FANCA: variants seen among roughly 807,000 people sequenced by gnomAD.
FANCA encodes FA complementation group A.
Under a neutral mutation model 194.3 loss-of-function variants are expected in FANCA, and 236 were observed. The observed-to-expected ratio is 1.21, with a 90% CI of 1.09 to 1.35. The LOEUF (loss-of-function observed/expected upper bound fraction) is 1.35. Among genes scored for constraint, FANCA ranks in the 40% most tolerant of loss-of-function variants. The pLI is 0.00. For synonymous variants in FANCA, 1,014 were observed against 715.8 expected, an observed-to-expected ratio of 1.42 and a Z score of -6.65; for missense variants, 2,628 against 1,813.9, an observed-to-expected ratio of 1.45 and a Z score of -8.15.
At chr16:89,788,337 T>C (rs148524655) in intron 14 of FANCA, among the ~76,000 whole-genome samples, 4,642 of 152,186 alleles carry the variant, frequency 0.031, 226 homozygotes, top group African/African-American at 0.11. Flanking sequence ...GGCAGGCACC[T>C]GTAGTCCCAG....
chr16:89,745,191 G>A (rs1006199363), intron 35 of FANCA, 120 bp from the exon 36 acceptor site: 17 of 918,334 alleles, frequency 1.9e-5, no homozygotes, highest in African/African-American at 6.5e-5. Context: ...CTCGCCCTGC[G>A]CTCTGGAACT....
At chr16:89,796,162 C>T (rs1055629337) in intron 10 of FANCA, 144 bp from the exon 11 acceptor site, 2 of 707,124 alleles carry the variant, frequency 2.8e-6, no homozygotes, top group African/African-American at 1.7e-5. Context: ...TAACCACAGA[C>T]TTGAAACTGA....
chr16:89,814,418 TCG>T, intron 3 of FANCA, 100 bp downstream of exon 3: 1 of 871,782 alleles, frequency 1.1e-6, no homozygotes, highest in Admixed American at 2.3e-5. Flanking sequence ...TGGAAACCCA[TCG>T]CCTGAGAAAA....
Position 89,738,376 on chromosome 16 carries a change from G to T in FANCA, c.*225C>A. 1.4e-6 allele frequency: 2 copies of T among 1,425,938 alleles called. No homozygotes were observed. The allele number at this position is 1,425,938 out of a possible 1,614,324, so 88.3% of individuals were successfully genotyped here. A position where few individuals can be genotyped will look rare whatever the true frequency, so the allele number is the denominator to read the frequency against. ...CGCCCTTGGTGCTGGAGGCGGGCTT[G>T]GTGTCCGGCTCAAGTAGCCTTCCTC... is the stretch of plus-strand genomic sequence containing the variant. On this transcript the variant is annotated 3_prime_UTR_variant, in exon 43 of 43. Transcript: ENST00000389301.
intron 10 of FANCA, chr16:89,798,759 G>C: frequency 7.2e-7 from 1 of 1,380,496 alleles, no homozygotes; most frequent in Non-Finnish European, 9.4e-7. Context: ...GGCAGCGGGA[G>C]TCTGTAGAGG....
chr16:89,779,038 G>C (rs1219302660), intron 18 of FANCA, 35 bp from the exon 19 acceptor site: 1 of 1,606,592 alleles, frequency 6.2e-7, no homozygotes, highest in Admixed American at 1.7e-5. Flanking sequence ...GCATCAGTCA[G>C]AGCAGCGAGA....
chr16:89,740,680 C>G (rs552947968), intron 38 of FANCA, 124 bp downstream of exon 38: 1 of 734,106 alleles, frequency 1.4e-6, no homozygotes. Flanking sequence ...TTCTCACTCA[C>G]ACTTCCGCAA....
chr16:89,739,252 C>G lies in FANCA; in HGVS notation c.4048G>C (p.Glu1350Gln). Residue 1350 changes from glutamate to glutamine, a missense_variant, in exon 41 of 43, where the codon GAA becomes CAA. Glu to Gln is a conservative substitution (Grantham distance 29). Coordinates refer to ENST00000389301, the MANE Select transcript of FANCA (RefSeq NM_000135.4). ...ACAGCAACATGCAGGAAGGCCTCTT[C>G]CCTGATGGCCGCGTCTTCATGGAAG... Reference protein sequence around the residue: ...SYFHEDAAIREEAFLHVAVDM... With the variant: ...SYFHEDAAIRQEAFLHVAVDM... The G allele has an allele frequency of 6.2e-7, 1 of 1,614,162 alleles. No individual in the cohort carries two copies. The highest frequency in any genetic ancestry group is 1.1e-5 in the South Asian group (1 of 91,086).
rs56369086 is a variant in FANCA, at chr16:89,771,728, T to C, written c.2101A>G (p.Lys701Glu). The change falls in exon 23 of 43, where the codon AAG becomes GAG. Residue 701 changes from lysine to glutamate, a missense_variant. Physicochemically the swap from Lys to Glu is moderately conservative, Grantham distance 56. Transcript: ENST00000389301. ...NEDDSSVEIS[K>E]IQLSINTPRL... is the part of the protein sequence containing the mutation. Reference sequence around the variant, plus strand: ...GGCGTGTTGATGCTGAGCTGAATCTTTGATATCTCAACGCTGCTGTCATCC... The same window carrying C: ...GGCGTGTTGATGCTGAGCTGAATCTCTGATATCTCAACGCTGCTGTCATCC... The C allele has an allele frequency of 1.9e-4, 299 of 1,614,190 alleles. 4 individuals carry two copies. The East Asian group carries it at 4.6e-3, about 25-fold the overall frequency.
At chr16:89,782,469 C>A (rs572748039) in intron 17 of FANCA, among the ~76,000 whole-genome samples, 2 of 151,946 alleles carry the variant, frequency 1.3e-5, no homozygotes, top group East Asian at 3.9e-4. Context: ...CGAGATTGCG[C>A]CACTGCACTC....
rs535849183 is a variant in FANCA at position 89,811,887 on chromosome 16, C to T, written c.284-816G>A. Among the ~76,000 whole-genome samples the T allele has an allele frequency of 1.2e-4, 18 of 151,996 alleles. No homozygotes were observed. The South Asian group carries it at 2.7e-3, about 23-fold the overall frequency. On this transcript the variant is annotated intron_variant, in intron 3 of 42. Transcript: ENST00000389301. ...CTGGGATTACAGGCACGCGTCACTA[C>T]GCCCAGTTAATTTTTTGTATTTTTA...
At chr16:89,813,449 T>G (rs895147801) in intron 3 of FANCA, among the ~76,000 whole-genome samples, 5 of 151,532 alleles carry the variant, frequency 3.3e-5, no homozygotes, top group Admixed American at 6.6e-5. Context: ...TTTTCTGTTC[T>G]GAGACAGAGT....
intron 22 of FANCA, 69 bp from the exon 23 acceptor site, chr16:89,771,883 A>C: frequency 6.3e-7 from 1 of 1,578,736 alleles, no homozygotes; most frequent in Non-Finnish European, 8.7e-7. Context: ...CGGCCTAGAG[A>C]GCTCCGCCTC....
chr16:89,807,224 C>G (rs12934275), intron 6 of FANCA, among the ~76,000 whole-genome samples: 1 of 148,920 alleles, frequency 6.7e-6, no homozygotes, highest in Non-Finnish European at 1.5e-5. Context: ...TGCTCTAGGC[C>G]GAGGCGGGAG....
chr16:89,771,959 G>A, intron 22 of FANCA, 145 bp from the exon 23 acceptor site: 2 of 977,556 alleles, frequency 2.0e-6, no homozygotes, highest in Non-Finnish European at 3.1e-6. Flanking sequence ...CTGAACACCA[G>A]TGTTTGTTCG....
chr16:89,756,385 T>C (rs76784033), intron 30 of FANCA, among the ~76,000 whole-genome samples: 9,067 of 152,226 alleles, frequency 0.06, 418 homozygotes, highest in East Asian at 0.22. Context: ...TCCCAGCACT[T>C]TGGGAGGCCG....
chr16:89,767,724 A>T (rs903749191), intron 26 of FANCA, among the ~76,000 whole-genome samples: 1 of 151,884 alleles, frequency 6.6e-6, no homozygotes, highest in Non-Finnish European at 1.5e-5. Context: ...AATTTTTTGT[A>T]TTTTTAGTAG....
At position 89,737,903 on chromosome 16, in the gene FANCA, G is replaced by A. The variant is rs368947676; in HGVS notation, c.*698C>T. 5 of 1,603,370 alleles carry A rather than the reference G, an allele frequency of 3.1e-6. No homozygotes were observed. The highest frequency in any genetic ancestry group is 4.2e-6 in the Non-Finnish European group (5 of 1,178,732). Reference sequence around the variant, plus strand: ...TGCGACATTCGGGAGCCAAGCCTTTGCAGTAAGTGTGAGTCAGGACCCCCT... The same window carrying A: ...TGCGACATTCGGGAGCCAAGCCTTTACAGTAAGTGTGAGTCAGGACCCCCT... On this transcript the variant is annotated 3_prime_UTR_variant, in exon 43 of 43. Transcript: ENST00000389301.
At chr16:89,740,714 C>G in intron 38 of FANCA, 90 bp downstream of exon 38, 1 of 1,080,684 alleles carries the variant, frequency 9.3e-7, no homozygotes, top group Non-Finnish European at 1.4e-6. Flanking sequence ...CTGAGCTAGT[C>G]TGGAAACCCT....
Sources: allele counts gnomAD v4.1 joint callset (sites outside exome capture counted in the v4.1 genomes callset), GRCh38; gene constraint gnomAD v4.1.1; transcripts MANE v1.5; gene names NCBI Gene and HGNC (gene_info 2026-07-23, HGNC 2026-07-21).